Variants in CEP112 observed in about 807,000 individuals in gnomAD.
The protein encoded by CEP112 is centrosomal protein 112.
CEP112 carries 127 observed loss-of-function variants against 153.0 expected under a neutral mutation model. That is an observed-to-expected ratio of 0.83 (90% CI 0.72 to 0.96). The LOEUF (loss-of-function observed/expected upper bound fraction) is 0.96. CEP112 is among the 40% of genes least tolerant of loss of function. The probability of loss-of-function intolerance (pLI) is 0.00; values close to 1 mark genes in which losing one functional copy is unlikely to be tolerated. For missense variants in CEP112, 1,089 were observed against 1,101.2 expected (o/e 0.99, Z 0.16); for synonymous variants, 358 against 374.4 (o/e 0.96, Z 0.51).
intron 20 of CEP112, among the ~76,000 whole-genome samples, chr17:65,872,756 T>C (rs2058705568): frequency 6.6e-6 from 1 of 152,242 alleles, no homozygotes. Context: ...ATTTTTTCAC[T>C]GAAAACTAAT....
At position 66,098,494 on chromosome 17, in the gene CEP112, G is replaced by T. The variant is rs60116169; in HGVS notation, c.643-1862C>A. ...AAAATGAACAATCCATACCCAATTTGACAATAAAGATAACGGTGAATGAAG... is the reference window on the plus strand; with the variant it reads ...AAAATGAACAATCCATACCCAATTTTACAATAAAGATAACGGTGAATGAAG... On this transcript the variant is annotated intron_variant, in intron 6 of 26. Transcript: ENST00000535342. Among the ~76,000 whole-genome samples, 394 of 152,116 alleles carry T rather than the reference G, an allele frequency of 2.6e-3. 2 individuals are homozygous for T. The highest frequency in any genetic ancestry group is 8.8e-3 in the African/African-American group (365 of 41,500).
intron 16 of CEP112, among the ~76,000 whole-genome samples, chr17:66,015,145 C>G (rs1457035613): frequency 1.3e-5 from 2 of 152,120 alleles, no homozygotes; most frequent in Non-Finnish European, 2.9e-5. Flanking sequence ...ATACCTCTGC[C>G]CTGTTAAAAT....
chr17:66,174,950 C>A (rs1291089478), intron 4 of CEP112, 94 bp downstream of exon 4: 2 of 827,672 alleles, frequency 2.4e-6, no homozygotes, highest in Non-Finnish European at 3.5e-6. Flanking sequence ...AAACTACTTC[C>A]ATTATAAAAA....
intron 24 of CEP112, among the ~76,000 whole-genome samples, chr17:65,647,237 G>T (rs1026388914): frequency 6.8e-6 from 1 of 146,408 alleles, no homozygotes; most frequent in African/African-American, 2.5e-5. Flanking sequence ...GCAATGGCGC[G>T]ATCTCGGCTC....
At chr17:66,035,645 C>T (rs1368283394) in intron 12 of CEP112, among the ~76,000 whole-genome samples, 4 of 152,096 alleles carry the variant, frequency 2.6e-5, no homozygotes, top group African/African-American at 9.7e-5. Context: ...ATTTGTACTC[C>T]CATGCAAAAG....
At chr17:65,935,208 A>G (rs1358900074) in intron 18 of CEP112, among the ~76,000 whole-genome samples, 1 of 152,242 alleles carries the variant, frequency 6.6e-6, no homozygotes, top group East Asian at 1.9e-4. Context: ...GGCTCCACTC[A>G]TCAAACGGAT....
At position 65,714,517 on chromosome 17, in the gene CEP112, T is replaced by G. The variant is rs201752044; in HGVS notation, c.2608-25299A>C. On this transcript the variant is annotated intron_variant, in intron 23 of 26. Coordinates refer to ENST00000535342, the MANE Select transcript of CEP112 (RefSeq NM_001199165.4). ...TTACTCTTGTCACCTTACTGTCAGT[T>G]CAGAATGTGAGCCCAGACCTAGCAT... Among the ~76,000 whole-genome samples, 7 of 152,256 alleles carry G rather than the reference T, an allele frequency of 4.6e-5. No homozygotes were observed. In the East Asian group the frequency reaches 1.4e-3, roughly 29 times the overall value.
At chr17:65,753,427 G>A (rs1451435447) in intron 21 of CEP112, among the ~76,000 whole-genome samples, 3 of 152,160 alleles carry the variant, frequency 2.0e-5, no homozygotes, top group Non-Finnish European at 4.4e-5. Flanking sequence ...ACGGACTTAA[G>A]TTCAAAACCA....
At chr17:65,789,313 C>T (rs890629646) in intron 21 of CEP112, among the ~76,000 whole-genome samples, 16 of 152,150 alleles carry the variant, frequency 1.1e-4, no homozygotes, top group Admixed American at 9.8e-4. Flanking sequence ...AGCCTTCTAA[C>T]TTATTGTCCT....
intron 21 of CEP112, among the ~76,000 whole-genome samples, chr17:65,845,496 A>G (rs2057697297): frequency 6.6e-6 from 1 of 152,210 alleles, no homozygotes; most frequent in Non-Finnish European, 1.5e-5. Context: ...TAGTATGGCT[A>G]TTTTACATAT....
intron 17 of CEP112, among the ~76,000 whole-genome samples, chr17:65,992,086 T>C (rs1430483906): frequency 6.6e-6 from 1 of 151,874 alleles, no homozygotes; most frequent in Non-Finnish European, 1.5e-5. Flanking sequence ...CACAAGATTG[T>C]TTAGTATTCC....
At chr17:66,071,282 C>CA (rs888649526) in intron 8 of CEP112, among the ~76,000 whole-genome samples, 6 of 148,614 alleles carry the variant, frequency 4.0e-5, no homozygotes, top group South Asian at 2.1e-4. Flanking sequence ...ATTTGCTATG[C>CA]AAAAAAAAAA....
chr17:65,970,868 G>T (rs2062734454), intron 17 of CEP112, among the ~76,000 whole-genome samples: 1 of 47,282 alleles, frequency 2.1e-5, no homozygotes, highest in South Asian at 2.2e-3. Flanking sequence ...TCTGCATGCT[G>T]CATCGCATTA....
At chr17:65,830,660 G>C (rs2057036813) in intron 21 of CEP112, among the ~76,000 whole-genome samples, 1 of 152,196 alleles carries the variant, frequency 6.6e-6, no homozygotes, top group Non-Finnish European at 1.5e-5. Flanking sequence ...CTGTGGGAAG[G>C]CTCGAATTCC....
At chr17:66,171,795 T>C (rs1401516911) in intron 4 of CEP112, among the ~76,000 whole-genome samples, 1 of 152,182 alleles carries the variant, frequency 6.6e-6, no homozygotes, top group East Asian at 1.9e-4. Context: ...ACTATTAAAT[T>C]AAAAGAAACA....
At chr17:65,904,762 C>T (rs892128538) in intron 19 of CEP112, among the ~76,000 whole-genome samples, 4 of 152,092 alleles carry the variant, frequency 2.6e-5, no homozygotes, top group Non-Finnish European at 5.9e-5. Context: ...GATATATAGG[C>T]CAATGGAACA....
At chr17:65,916,473 A>G (rs2060495995) in intron 19 of CEP112, among the ~76,000 whole-genome samples, 1 of 152,144 alleles carries the variant, frequency 6.6e-6, no homozygotes, top group Non-Finnish European at 1.5e-5. Flanking sequence ...GTTCCACTTT[A>G]TATTTTTAAT....
At chr17:65,780,260 C>T (rs1179333472) in intron 21 of CEP112, among the ~76,000 whole-genome samples, 1 of 152,024 alleles carries the variant, frequency 6.6e-6, no homozygotes, top group African/African-American at 2.4e-5. Flanking sequence ...ATTTCCCCAC[C>T]CTGCTCACTG....
rs74801571 is a variant in CEP112, at chr17:65,885,378, G to A, written c.2163+16774C>T. Among the ~76,000 whole-genome samples the A allele has an allele frequency of 7.5e-3, 1,149 of 152,214 alleles. 14 individuals are homozygous for A. Among genetic ancestry groups the A allele is most frequent in the African/African-American group, 0.026 (1,085 of 41,536 alleles). On this transcript the variant is annotated intron_variant, in intron 20 of 26. Transcript: ENST00000535342. ...CATTCAACAGCAACAGGGCAAAGACGATGTTGAAATCTGCTTTCATAAATG... is the reference window on the plus strand; with the variant it reads ...CATTCAACAGCAACAGGGCAAAGACAATGTTGAAATCTGCTTTCATAAATG...
Sources: gnomAD v4.1 joint callset for allele counts (sites outside exome capture counted in the v4.1 genomes callset) on GRCh38, gnomAD v4.1.1 for gene constraint, MANE v1.5 for transcripts, NCBI Gene and HGNC (gene_info 2026-07-23, HGNC 2026-07-21) for gene names.